Variants in CSMD3 observed in about 807,000 individuals in gnomAD.
CSMD3 encodes the protein CUB and Sushi multiple domains 3.
Under a neutral mutation model 435.2 loss-of-function variants are expected in CSMD3, and 177 were observed. The observed-to-expected ratio is 0.41, with a 90% confidence interval of 0.36 to 0.46. The LOEUF is 0.46. Among genes scored for constraint, CSMD3 ranks in the 20% least tolerant of loss-of-function variants. The pLI is 0.34. For synonymous variants in CSMD3, 1,656 were observed against 1,520.5 expected (o/e 1.09, Z -2.07); for missense variants, 4,265 against 4,504.6 (o/e 0.95, Z 1.52).
chr8:113,053,818 G>C (rs944147917), intron 5 of CSMD3, among the ~76,000 whole-genome samples: 1 of 152,082 alleles, frequency 6.6e-6, no homozygotes, highest in Non-Finnish European at 1.5e-5. Context: ...AAGCATACAT[G>C]CAATGGTTTC....
intron 24 of CSMD3, among the ~76,000 whole-genome samples, chr8:112,573,008 G>A (rs1829659834): frequency 6.6e-6 from 1 of 152,020 alleles, no homozygotes; most frequent in East Asian, 1.9e-4. Flanking sequence ...ATAGAACTGT[G>A]AGAAAGTATT....
intron 16 of CSMD3, among the ~76,000 whole-genome samples, chr8:112,676,100 G>A (rs578088367): frequency 9.1e-4 from 139 of 152,242 alleles, no homozygotes; most frequent in Middle Eastern, 3.4e-3. Flanking sequence ...TTAGAGTGAC[G>A]TGGGGAGACA....
intron 1 of CSMD3, among the ~76,000 whole-genome samples, chr8:113,336,354 T>C (rs1489519649): frequency 6.6e-6 from 1 of 152,248 alleles, no homozygotes; most frequent in East Asian, 1.9e-4. Context: ...CCTGTGCTGT[T>C]TGTCGAGGCA....
intron 12 of CSMD3, among the ~76,000 whole-genome samples, chr8:112,818,983 C>G (rs2079454783): frequency 1.3e-5 from 2 of 152,010 alleles, no homozygotes; most frequent in Admixed American, 1.3e-4. Flanking sequence ...GATCAGAAAT[C>G]AAAATCAAAT....
rs576631997 is a variant in CSMD3, at chr8:112,432,297, A to C, written c.5396-23265T>G. ...GGTCAAGATTCCTTAATAAGTTATAAAATTTATTCAACTTATTTTACTTTA... is the reference window on the plus strand; with the variant it reads ...GGTCAAGATTCCTTAATAAGTTATACAATTTATTCAACTTATTTTACTTTA... On this transcript the variant is annotated intron_variant, in intron 32 of 70. Transcript: ENST00000297405. 5.3e-5 allele frequency among the ~76,000 whole-genome samples: 8 copies of C among 152,120 alleles called. No homozygotes were observed. In the South Asian group the frequency reaches 1.2e-3, roughly 24 times the overall value.
intron 1 of CSMD3, among the ~76,000 whole-genome samples, chr8:113,420,803 G>T (rs928788816): frequency 1.3e-5 from 2 of 151,868 alleles, no homozygotes; most frequent in African/African-American, 4.8e-5. Context: ...AAAAAAATTA[G>T]CAGGGCTTGG....
intron 7 of CSMD3, among the ~76,000 whole-genome samples, chr8:112,962,388 G>A (rs2084264939): frequency 6.6e-6 from 1 of 151,510 alleles, no homozygotes. Context: ...TATATTATAA[G>A]GCCTTCTAAT....
intron 10 of CSMD3, among the ~76,000 whole-genome samples, chr8:112,914,059 T>C (rs1188636284): frequency 6.6e-6 from 1 of 151,904 alleles, no homozygotes; most frequent in Non-Finnish European, 1.5e-5. Context: ...TCAATGTTAT[T>C]AAATAAACAA....
intron 35 of CSMD3, among the ~76,000 whole-genome samples, chr8:112,396,289 C>A (rs565494031): frequency 1.3e-5 from 2 of 152,220 alleles, no homozygotes; most frequent in East Asian, 3.9e-4. Context: ...ATTAACTGAG[C>A]ATTCATTGAA....
At chr8:112,818,848 A>G (rs2079450706) in intron 12 of CSMD3, among the ~76,000 whole-genome samples, 1 of 152,214 alleles carries the variant, frequency 6.6e-6, no homozygotes, top group African/African-American at 2.4e-5. Flanking sequence ...CAACATTTCT[A>G]GAGCCATTTG....
At chr8:113,094,232 T>C (rs2090094256) in intron 5 of CSMD3, among the ~76,000 whole-genome samples, 1 of 152,194 alleles carries the variant, frequency 6.6e-6, no homozygotes, top group African/African-American at 2.4e-5. Context: ...AAAATCAGCC[T>C]TTAACCTTTT....
intron 1 of CSMD3, among the ~76,000 whole-genome samples, chr8:113,383,046 A>G (rs1381969975): frequency 1.3e-5 from 2 of 152,196 alleles, no homozygotes; most frequent in Non-Finnish European, 2.9e-5. Flanking sequence ...TTCACAGAGG[A>G]TAGATTTTTA....
intron 12 of CSMD3, among the ~76,000 whole-genome samples, chr8:112,823,179 C>T (rs1363583399): frequency 6.6e-6 from 1 of 152,194 alleles, no homozygotes; most frequent in Non-Finnish European, 1.5e-5. Flanking sequence ...CCCTCCATTT[C>T]AACTCCCTGG....
At chr8:112,228,681 T>C in intron 70 of CSMD3, 75 bp downstream of exon 70, 13 of 1,457,002 alleles carry the variant, frequency 8.9e-6, no homozygotes, top group Non-Finnish European at 1.2e-5. Flanking sequence ...AAATTAAGAT[T>C]TGAGCTAGAG....
At chr8:113,356,691 A>C (rs2094231190) in intron 1 of CSMD3, among the ~76,000 whole-genome samples, 1 of 152,180 alleles carries the variant, frequency 6.6e-6, no homozygotes, top group South Asian at 2.1e-4. Context: ...TATTTTATCT[A>C]AAGGGTACTA....
At chr8:113,434,166 A>T (rs1433392980) in intron 1 of CSMD3, among the ~76,000 whole-genome samples, 4 of 152,150 alleles carry the variant, frequency 2.6e-5, no homozygotes, top group Non-Finnish European at 4.4e-5. Context: ...GGAGGGATGA[A>T]AACTGTAGGC....
intron 3 of CSMD3, among the ~76,000 whole-genome samples, chr8:113,242,974 A>G (rs1396499548): frequency 1.3e-5 from 2 of 152,006 alleles, no homozygotes; most frequent in Non-Finnish European, 2.9e-5. Context: ...ATTTAAAGTT[A>G]TGATACTCTA....
chr8:112,866,348 TATG>T (rs2129972413), intron 10 of CSMD3, among the ~76,000 whole-genome samples: 1 of 152,288 alleles, frequency 6.6e-6, no homozygotes, highest in South Asian at 2.1e-4. Flanking sequence ...ATAAGCCTAA[TATG>T]ATAATATGAT....
At chr8:112,682,153 A>G (rs1475302023) in intron 16 of CSMD3, among the ~76,000 whole-genome samples, 2 of 152,110 alleles carry the variant, frequency 1.3e-5, no homozygotes, top group African/African-American at 4.8e-5. Context: ...ATAACTAGGA[A>G]GTATACTATA....
Sources: gnomAD v4.1 joint callset for allele counts (sites outside exome capture counted in the v4.1 genomes callset) on GRCh38, gnomAD v4.1.1 for gene constraint, MANE v1.5 for transcripts, NCBI Gene and HGNC (gene_info 2026-07-23, HGNC 2026-07-21) for gene names.